The following TFB1M variants were observed in gnomAD, a reference collection of about 807,000 sequenced individuals.
The protein encoded by TFB1M is transcription factor B1, mitochondrial, also known as dimethyladenosine transferase 1, mitochondrial.
Under a neutral mutation model 31.1 loss-of-function variants are expected in TFB1M, and 27 were observed. The observed-to-expected ratio is 0.87, with a 90% CI of 0.64 to 1.20. The LOEUF is 1.20. Among genes scored for constraint, TFB1M ranks in the 50% most tolerant of loss-of-function variants. The probability of loss-of-function intolerance (pLI) is 0.00; values close to 1 mark genes in which losing one functional copy is unlikely to be tolerated. For synonymous variants in TFB1M, 166 were observed against 151.8 expected (o/e 1.09, Z -0.69); for missense variants, 394 against 418.7 (o/e 0.94, Z 0.51).
chr6:155,302,252 T>C (rs1318369607), intron 2 of TFB1M, among the ~76,000 whole-genome samples: 6 of 152,210 alleles, frequency 3.9e-5, no homozygotes, highest in Non-Finnish European at 7.3e-5. Flanking sequence ...ACGTTAATTA[T>C]CTTCTTCCTG....
In TFB1M at chr6:155,257,395, A is replaced by G; in HGVS notation, c.*441T>C. 2.5e-6 allele frequency: 1 copy of G among 403,642 alleles called. No individual in the cohort carries two copies. The highest frequency in any genetic ancestry group is 4.4e-6 in the Non-Finnish European group (1 of 227,886). 25.0% of individuals were successfully genotyped at this position (403,642 alleles called of 1,614,324 possible). A position where few individuals can be genotyped will look rare whatever the true frequency, so the allele number is the denominator to read the frequency against. The stretch of plus-strand genomic sequence containing the variant: ...TTAGGATCCTTAAAATTACATTCTA[A>G]TAATTAAGTTATGTGGAAAAAGTAA... On this transcript the variant is annotated 3_prime_UTR_variant, in exon 7 of 7. Coordinates refer to ENST00000367166, the MANE Select transcript of TFB1M (RefSeq NM_016020.4).
intron 1 of TFB1M, among the ~76,000 whole-genome samples, chr6:155,313,708 C>T (rs187631856): frequency 2.8e-4 from 42 of 152,248 alleles, no homozygotes; most frequent in Non-Finnish European, 2.8e-4. Context: ...AAGTAAGCTC[C>T]TCGAGGAAAC....
chr6:155,292,987 C>T (rs1777002822), intron 4 of TFB1M, among the ~76,000 whole-genome samples: 1 of 152,004 alleles, frequency 6.6e-6, no homozygotes, highest in Non-Finnish European at 1.5e-5. Flanking sequence ...CAGCACCGGA[C>T]CTGGCTAATT....
chr6:155,298,232 T>C (rs1429817433), intron 3 of TFB1M, among the ~76,000 whole-genome samples: 1 of 152,238 alleles, frequency 6.6e-6, no homozygotes, highest in East Asian at 1.9e-4. Context: ...AAATGGTTAG[T>C]TTATTTGCAC....
the TFB1M span, among the ~76,000 whole-genome samples, chr6:155,247,131 C>T: frequency 6.6e-6 from 1 of 152,222 alleles, no homozygotes; most frequent in Non-Finnish European, 1.5e-5. Context: ...GGAGTGAAGG[C>T]TGTAGGCTGC....
intron 5 of TFB1M, among the ~76,000 whole-genome samples, chr6:155,268,920 G>T (rs1784788368): frequency 7.3e-6 from 1 of 136,442 alleles, no homozygotes; most frequent in Non-Finnish European, 1.5e-5. Context: ...ATCCCCCTCT[G>T]CGAGAAACAC....
chr6:155,297,201 T>C (rs769337211), intron 3 of TFB1M, 97 bp from the exon 4 acceptor site: 58 of 1,304,044 alleles, frequency 4.4e-5, no homozygotes, highest in Non-Finnish European at 5.5e-5. Flanking sequence ...ATTAATAGCA[T>C]CAAAGAAAAA....
intron 2 of TFB1M, 149 bp downstream of exon 2, chr6:155,311,039 T>A (rs144890568): frequency 1.2e-6 from 1 of 842,474 alleles, no homozygotes; most frequent in African/African-American, 1.7e-5. Context: ...CTCCAGACTA[T>A]GGAATCAAAA....
chr6:155,269,957 G>C (rs1180189728), intron 5 of TFB1M, among the ~76,000 whole-genome samples: 2 of 152,262 alleles, frequency 1.3e-5, no homozygotes, highest in Non-Finnish European at 2.9e-5. Flanking sequence ...GAACGAAACA[G>C]AGAGAAGTGC....
intron 2 of TFB1M, among the ~76,000 whole-genome samples, chr6:155,309,599 T>C (rs1777931638): frequency 6.6e-6 from 1 of 152,162 alleles, no homozygotes; most frequent in East Asian, 1.9e-4. Flanking sequence ...GAAATCTGGT[T>C]CACCCCCTGG....
At chr6:155,272,783 C>T (rs1015598863) in intron 5 of TFB1M, among the ~76,000 whole-genome samples, 4 of 152,134 alleles carry the variant, frequency 2.6e-5, no homozygotes, top group African/African-American at 9.7e-5. Flanking sequence ...TTAAATGACA[C>T]GTCATATTGT....
downstream of TFB1M, chr6:155,254,154 T>A: frequency 7.4e-7 from 1 of 1,358,126 alleles, no homozygotes; most frequent in Admixed American, 2.1e-5. Flanking sequence ...TGAATTTTGA[T>A]GATATCAGGG....
At chr6:155,286,670 C>CAT (rs202239606) in intron 4 of TFB1M, among the ~76,000 whole-genome samples, 1,950 of 146,386 alleles carry the variant, frequency 0.013, 50 homozygotes, top group African/African-American at 0.046. Flanking sequence ...TGTATATATA[C>CAT]ATATATATAT....
At chr6:155,296,241 C>T (rs1777166013) in intron 4 of TFB1M, among the ~76,000 whole-genome samples, 1 of 151,816 alleles carries the variant, frequency 6.6e-6, no homozygotes, top group Non-Finnish European at 1.5e-5. Flanking sequence ...TTTCTCAGCT[C>T]CAAATTGATT....
chr6:155,310,523 T>C (rs1338487883), intron 2 of TFB1M, among the ~76,000 whole-genome samples: 4 of 152,208 alleles, frequency 2.6e-5, no homozygotes, highest in Non-Finnish European at 4.4e-5. Context: ...TTGGATGTGC[T>C]GCTATATACA....
At chr6:155,241,566 G>A in the TFB1M span, among the ~76,000 whole-genome samples, 4,546 of 152,212 alleles carry the variant, frequency 0.03, 234 homozygotes, top group African/African-American at 0.1. Context: ...TGGCACACAC[G>A]TGCGGCTATT....
At position 155,256,841 on chromosome 6, in the gene TFB1M, A is replaced by G; in HGVS notation, c.*995T>C. The G allele has an allele frequency of 1.2e-6, 2 of 1,613,904 alleles. No homozygotes were observed. Among genetic ancestry groups the G allele is most frequent in the East Asian group, 2.2e-5 (1 of 44,886 alleles). On this transcript the variant is annotated 3_prime_UTR_variant, in exon 7 of 7. Coordinates refer to ENST00000367166, the MANE Select transcript of TFB1M (RefSeq NM_016020.4). ...CCAGACGTTCACCCCGAGGCTGAGCAGCAGCCTGGCCCGGAGTCGGGTGAG... is the reference window on the plus strand; with the variant it reads ...CCAGACGTTCACCCCGAGGCTGAGCGGCAGCCTGGCCCGGAGTCGGGTGAG...
intron 5 of TFB1M, among the ~76,000 whole-genome samples, chr6:155,278,957 C>T (rs543917898): frequency 1.3e-4 from 20 of 152,120 alleles, no homozygotes; most frequent in Admixed American, 1.0e-3. Flanking sequence ...CTGCAGGGGA[C>T]ATTCGGCAAT....
Position 155,298,578 on chromosome 6 carries a change from G to A in TFB1M, c.293C>T (p.Ser98Phe). Residue 98 changes from serine to phenylalanine, a missense_variant, in exon 3 of 7, where the codon TCT (serine) becomes TTT (phenylalanine). This residue lies in a region of TFB1M where 273 missense variants were observed against 256.4 expected (regional missense o/e 1.06). Coordinates refer to ENST00000367166, the MANE Select transcript of TFB1M (RefSeq NM_016020.4). ...TCTCAGTTTCCCAGGTGCTGCATCA[G>A]AAAGCATCTAGTTTATAAAAAGATC... The part of the protein sequence containing the change: ...TRFIPGLQML[S>F]DAAPGKLRIV... 1.2e-6 allele frequency: 2 copies of A among 1,606,532 alleles called. No individual in the cohort carries two copies. Among genetic ancestry groups the A allele is most frequent in the Non-Finnish European group, 1.7e-6 (2 of 1,173,444 alleles).
Sources: gnomAD v4.1 joint callset for allele counts (sites outside exome capture counted in the v4.1 genomes callset) on GRCh38, gnomAD v4.1.1 for gene constraint, gnomAD v4.1.1 regional missense constraint, MANE v1.5 for transcripts, NCBI Gene and HGNC (gene_info 2026-07-23, HGNC 2026-07-21) for gene names.